FRY: variants seen among roughly 807,000 people sequenced by gnomAD.
The protein encoded by FRY is FRY microtubule binding protein.
In FRY, 128 loss-of-function variants were observed where a neutral mutation model predicts 348.4. The observed-to-expected ratio is 0.37, with a 90% CI of 0.32 to 0.43. The LOEUF (loss-of-function observed/expected upper bound fraction) is 0.43. FRY is among the 20% of genes least tolerant of loss of function. FRY has a pLI of 1.00. For synonymous variants in FRY, 1,370 were observed against 1,374.7 expected (o/e 1.00, Z 0.08); for missense variants, 2,736 against 3,695.2 (o/e 0.74, Z 6.73).
At chr13:32,214,767 G>A (rs116653658) in intron 35 of FRY, among the ~76,000 whole-genome samples, 93 of 152,250 alleles carry the variant, frequency 6.1e-4, no homozygotes, top group South Asian at 1.5e-3. Flanking sequence ...TATAGGCAAA[G>A]AGCCTACAGA....
chr13:32,175,253 A>G (rs1186303707), intron 19 of FRY, among the ~76,000 whole-genome samples: 1 of 152,230 alleles, frequency 6.6e-6, no homozygotes, highest in African/African-American at 2.4e-5. Context: ...TGAATAATGT[A>G]TGGCACTGGT....
In FRY at chr13:32,237,474, A is replaced by G. The variant is rs752350388; in HGVS notation, c.5906A>G (p.Asn1969Ser). ...ATGAACCCGGGAACCACCAGCGGCA[A>G]CACCGCAACTGCCGAACGGAGCCGG... is the stretch of plus-strand genomic sequence containing the variant. ...LNMNPGTTSGNTATAERSRHQ... is the reference protein window; with the variant it reads ...LNMNPGTTSGSTATAERSRHQ... The change falls in exon 44 of 61, where the codon AAC (asparagine) becomes AGC (serine). Residue 1969 changes from asparagine to serine, a missense_variant. Asn to Ser is a conservative substitution (Grantham distance 46). Transcript: ENST00000542859. The surrounding 1 kb of genome is among the most constrained non-coding windows in gnomAD (Gnocchi z 6.3). The G allele has an allele frequency of 1.2e-6, 2 of 1,614,156 alleles. No homozygotes were observed. The highest frequency in any genetic ancestry group is 1.7e-6 in the Non-Finnish European group (2 of 1,180,030).
chr13:32,081,161 C>T (rs1298870824), intron 2 of FRY, among the ~76,000 whole-genome samples: 3 of 152,030 alleles, frequency 2.0e-5, no homozygotes, highest in Non-Finnish European at 4.4e-5. Flanking sequence ...CTCTATGAAA[C>T]AACTAAAATG....
At position 32,083,120 on chromosome 13, in the gene FRY, T is replaced by C. The variant is rs145745380; in HGVS notation, c.270+4087T>C. On this transcript the variant is annotated intron_variant, in intron 2 of 60. Coordinates refer to ENST00000542859, the MANE Select transcript of FRY (RefSeq NM_023037.3). ...GCTACATTGCATATCTTTTTACCCA[T>C]CTTTTATTATTCCACCTCTTTGTCT... Among the ~76,000 whole-genome samples, 4 of 152,298 alleles carry C rather than the reference T, an allele frequency of 2.6e-5. No individual in the cohort carries two copies. In the East Asian group the frequency reaches 7.7e-4, roughly 29 times the overall value.
chr13:32,133,166 A>G lies in FRY; in HGVS notation c.885+1326A>G, dbSNP rs533446125. Among the ~76,000 whole-genome samples, 3 of 152,312 alleles carry G rather than the reference A, an allele frequency of 2.0e-5. No individual in the cohort carries two copies. In the East Asian group the frequency reaches 5.8e-4, roughly 29 times the overall value. ...ATTATACTAAAAGTCAATGAATTGT[A>G]TATGTTAAATGGGTGAATTGCATAC... On this transcript the variant is annotated intron_variant, in intron 8 of 60. Coordinates refer to ENST00000542859, the MANE Select transcript of FRY (RefSeq NM_023037.3).
At chr13:32,223,127 T>G (rs1885401032) in intron 36 of FRY, among the ~76,000 whole-genome samples, 1 of 152,050 alleles carries the variant, frequency 6.6e-6, no homozygotes, top group Non-Finnish European at 1.5e-5. Flanking sequence ...TAGCTAATTT[T>G]TTGTATTTTT....
In FRY at chr13:32,157,370, A is replaced by G. The variant is rs1312049916; in HGVS notation, c.1749A>G (p.Val583=). 6.2e-7 allele frequency: 1 copy of G among 1,613,396 alleles called. No homozygotes were observed. Among genetic ancestry groups the G allele is most frequent in the Non-Finnish European group, 8.5e-7 (1 of 1,179,538 alleles). The change falls in exon 16 of 61, where the codon GTA becomes GTG. Residue 583 remains valine (V), a synonymous_variant. Transcript: ENST00000542859. ...GAAGGTGTATGATGCTGACTAATGT[A>G]CAGATGTTAAACAAAGAACCGGAAG... ...EVGRCMMLTN[V]QMLNKEPEDM... is the part of the protein sequence containing the mutation.
chr13:32,054,208 C>CTTTT (rs145256787), intron 1 of FRY, among the ~76,000 whole-genome samples: 3 of 148,838 alleles, frequency 2.0e-5, no homozygotes, highest in African/African-American at 2.5e-5. Flanking sequence ...TGAACACACC[C>CTTTT]TTTTTTTTTT....
chr13:32,224,816 G>A (rs9595159), intron 37 of FRY, 117 bp from the exon 38 acceptor site: 170,613 of 729,002 alleles, frequency 0.23, 21,112 homozygotes, highest in East Asian at 0.37. Flanking sequence ...CCCCGAATAA[G>A]AGCCTTATAT....
intron 11 of FRY, among the ~76,000 whole-genome samples, chr13:32,138,975 T>A (rs1385080165): frequency 6.6e-6 from 1 of 152,158 alleles, no homozygotes; most frequent in African/African-American, 2.4e-5. Flanking sequence ...TTAGGCAAAG[T>A]AAGGCAGAAA....
At chr13:32,254,561 C>T (rs533870170) in intron 51 of FRY, among the ~76,000 whole-genome samples, 167 bp downstream of exon 51, 1 of 152,128 alleles carries the variant, frequency 6.6e-6, no homozygotes, top group African/African-American at 2.4e-5. Flanking sequence ...TAAACTTTGG[C>T]AAAAGTTACC....
intron 4 of FRY, among the ~76,000 whole-genome samples, chr13:32,121,507 T>A (rs1266124350): frequency 3.3e-5 from 5 of 152,214 alleles, no homozygotes; most frequent in African/African-American, 1.2e-4. Context: ...CATGTGGTTT[T>A]GATTTGCATT....
chr13:32,113,080 T>G (rs549358782), intron 3 of FRY, among the ~76,000 whole-genome samples: 208 of 152,352 alleles, frequency 1.4e-3, no homozygotes, highest in African/African-American at 4.9e-3. Context: ...TCTTAAATCT[T>G]TGTCGTTACT....
intron 31 of FRY, among the ~76,000 whole-genome samples, chr13:32,203,242 T>A (rs1884147661): frequency 6.6e-6 from 1 of 152,166 alleles, no homozygotes; most frequent in African/African-American, 2.4e-5. Flanking sequence ...CTGCAAGTTG[T>A]TTGGTGGTTG....
intron 59 of FRY, among the ~76,000 whole-genome samples, chr13:32,294,027 G>A (rs1357584355): frequency 1.3e-5 from 2 of 152,110 alleles, no homozygotes; most frequent in African/African-American, 4.8e-5. Context: ...TGCAGAGCCG[G>A]CATTTGAACC....
intron 10 of FRY, among the ~76,000 whole-genome samples, chr13:32,135,602 G>A (rs1021497913): frequency 6.6e-6 from 1 of 152,200 alleles, no homozygotes; most frequent in Non-Finnish European, 1.5e-5. Context: ...AAAGGAGTTG[G>A]GAAATAGACA....
rs138353741 is a variant in FRY at position 32,142,801 on chromosome 13, C to A, written c.1180-4481C>A. On this transcript the variant is annotated intron_variant, in intron 11 of 60. Transcript: ENST00000542859. ...TTCTGGTTTTGTTTTTAATATATAA[C>A]CTGCTGTATGGTAGTCACTGAGGAC... Among the ~76,000 whole-genome samples the A allele has an allele frequency of 3.4e-4, 52 of 152,178 alleles. No individual in the cohort carries two copies. The East Asian group carries it at 9.5e-3, about 28-fold the overall frequency.
At chr13:32,154,236 G>A (rs1043027154) in intron 14 of FRY, among the ~76,000 whole-genome samples, 40 of 152,238 alleles carry the variant, frequency 2.6e-4, no homozygotes, top group African/African-American at 7.9e-4. Flanking sequence ...GAACTAATGG[G>A]CTTCGATACA....
At chr13:32,252,477 G>T (rs966356689) in intron 50 of FRY, among the ~76,000 whole-genome samples, 1 of 152,160 alleles carries the variant, frequency 6.6e-6, no homozygotes, top group Non-Finnish European at 1.5e-5. Context: ...ATGAATGGAC[G>T]ATTGAATAAT....
Sources: gnomAD v4.1 joint callset for allele counts (sites outside exome capture counted in the v4.1 genomes callset) on GRCh38, gnomAD v4.1.1 for gene constraint, Gnocchi (gnomAD v3.1) non-coding constraint, MANE v1.5 for transcripts, NCBI Gene and HGNC (gene_info 2026-07-23, HGNC 2026-07-21) for gene names.